Variants in WDFY4 observed in about 807,000 individuals in gnomAD.
WDFY4 encodes the protein WDFY family member 4.
WDFY4 carries 169 observed loss-of-function variants against 351.9 expected under a neutral mutation model. The observed-to-expected ratio is 0.48, with a 90% CI of 0.42 to 0.55. The LOEUF (loss-of-function observed/expected upper bound fraction) is 0.55. WDFY4 is among the 20% of genes least tolerant of loss of function. The pLI is 0.00. For synonymous variants in WDFY4, 1,622 were observed against 1,574.6 expected (o/e 1.03, Z -0.71); for missense variants, 3,803 against 3,935.6 (o/e 0.97, Z 0.90).
At chr10:48,754,956 A>T (rs1482741905) in intron 12 of WDFY4, among the ~76,000 whole-genome samples, 3 of 152,162 alleles carry the variant, frequency 2.0e-5, no homozygotes, top group African/African-American at 7.2e-5. Flanking sequence ...ACATGAAGTA[A>T]AAGTCTCTTT....
At chr10:48,846,354 C>T (rs2068775576) in intron 39 of WDFY4, among the ~76,000 whole-genome samples, 1 of 152,214 alleles carries the variant, frequency 6.6e-6, no homozygotes, top group Admixed American at 6.5e-5. Flanking sequence ...GAAAGCCCAC[C>T]AAGCCCTCTC....
At chr10:48,765,572 A>G (rs2065642500) in intron 13 of WDFY4, among the ~76,000 whole-genome samples, 1 of 152,330 alleles carries the variant, frequency 6.6e-6, no homozygotes, top group African/African-American at 2.4e-5. Flanking sequence ...AATCATTATA[A>G]CAACCGTGCA....
In WDFY4 at chr10:48,810,436, C is replaced by T. The variant is rs1276600535; in HGVS notation, c.4839-94C>T. The T allele has an allele frequency of 1.4e-4, 171 of 1,241,442 alleles. No homozygotes were observed. The East Asian group carries it at 4.4e-3, about 32-fold the overall frequency. 76.9% of individuals were successfully genotyped at this position (1,241,442 alleles called of 1,614,324 possible). ...TGATGTTAACCTTAACTTGCCTCTCCTTGGTGACTTGTAAGGCTGGACATT... is the reference window on the plus strand; with the variant it reads ...TGATGTTAACCTTAACTTGCCTCTCTTTGGTGACTTGTAAGGCTGGACATT... On this transcript the variant is annotated intron_variant, in intron 28 of 61. Coordinates refer to ENST00000325239, the MANE Select transcript of WDFY4 (RefSeq NM_001394531.1).
chr10:48,745,072 C>T (rs956631458), intron 12 of WDFY4, among the ~76,000 whole-genome samples: 2 of 152,146 alleles, frequency 1.3e-5, no homozygotes, highest in Non-Finnish European at 2.9e-5. Context: ...TTTTTCTTAA[C>T]TTGGATGTCT....
At chr10:48,956,659 C>A (rs1841605612) in intron 51 of WDFY4, among the ~76,000 whole-genome samples, 1 of 152,154 alleles carries the variant, frequency 6.6e-6, no homozygotes, top group African/African-American at 2.4e-5. Context: ...GCTGACCTCC[C>A]ACATAGAAGG....
chr10:48,770,686 G>A (rs980915617), intron 13 of WDFY4, among the ~76,000 whole-genome samples: 15 of 152,202 alleles, frequency 9.9e-5, no homozygotes, highest in African/African-American at 3.4e-4. Flanking sequence ...GACTTCGGGT[G>A]GATTTCCATG....
chr10:48,943,599 T>G, intron 49 of WDFY4, 150 bp downstream of exon 49: 2 of 316,174 alleles, frequency 6.3e-6, no homozygotes, highest in Non-Finnish European at 4.8e-6. Flanking sequence ...CTCAGATCTC[T>G]TTTTTTTTTT....
At chr10:48,851,957 G>C (rs1164898921) in intron 39 of WDFY4, among the ~76,000 whole-genome samples, 1 of 152,240 alleles carries the variant, frequency 6.6e-6, no homozygotes, top group Non-Finnish European at 1.5e-5. Context: ...AGCTCTTAGA[G>C]GCCCTTTGTT....
intron 13 of WDFY4, among the ~76,000 whole-genome samples, chr10:48,772,687 C>A (rs2065906812): frequency 1.4e-5 from 2 of 147,612 alleles, no homozygotes; most frequent in African/African-American, 5.1e-5. Context: ...CCAATGCTAT[C>A]CCTCCCCCTT....
intron 47 of WDFY4, chr10:48,932,655 A>G (rs1840086563): frequency 6.6e-6 from 1 of 152,038 alleles, no homozygotes; most frequent in Non-Finnish European, 1.5e-5. Flanking sequence ...TAAAAAAAAA[A>G]AAGAGGGAGA....
chr10:48,980,337 G>A (rs1842758351), intron 60 of WDFY4, among the ~76,000 whole-genome samples: 1 of 152,088 alleles, frequency 6.6e-6, no homozygotes, highest in Admixed American at 6.5e-5. Flanking sequence ...ACCTGTATTG[G>A]GCATGGCACG....
chr10:48,941,746 C>T (rs1177797745), intron 47 of WDFY4, 60 bp from the exon 48 acceptor site: 1 of 1,532,290 alleles, frequency 6.5e-7, no homozygotes, highest in African/African-American at 1.4e-5. Context: ...CCCCACCTCT[C>T]CCCTGTTTGT....
chr10:48,774,309 T>G, intron 13 of WDFY4, 149 bp from the exon 14 acceptor site: 2 of 837,994 alleles, frequency 2.4e-6, no homozygotes, highest in Non-Finnish European at 3.9e-6. Context: ...GGAAGAACCC[T>G]GAGACAGGCG....
intron 31 of WDFY4, among the ~76,000 whole-genome samples, chr10:48,816,706 T>C (rs1270984036): frequency 2.0e-5 from 3 of 152,314 alleles, no homozygotes; most frequent in East Asian, 3.9e-4. Flanking sequence ...AAAGAAAATA[T>C]GTAATATGCT....
intron 1 of WDFY4, 98 bp from the exon 2 acceptor site, chr10:48,709,618 T>C (rs2063717874): frequency 3.8e-6 from 4 of 1,058,292 alleles, no homozygotes; most frequent in Non-Finnish European, 4.1e-6. Flanking sequence ...CCATTTTCAA[T>C]AGAAACTGGG....
chr10:48,892,331 A>G (rs1836852695), intron 44 of WDFY4, among the ~76,000 whole-genome samples: 2 of 152,244 alleles, frequency 1.3e-5, no homozygotes, highest in South Asian at 4.1e-4. Flanking sequence ...ATAGAAGCCC[A>G]GTGGTCAGAT....
chr10:48,767,943 C>T (rs1288426928), intron 13 of WDFY4, among the ~76,000 whole-genome samples: 11 of 152,084 alleles, frequency 7.2e-5, no homozygotes, highest in Admixed American at 2.6e-4. Flanking sequence ...TGGGAGGTCC[C>T]GGGCAGGCAG....
intron 39 of WDFY4, among the ~76,000 whole-genome samples, chr10:48,845,279 C>G (rs1194792086): frequency 6.6e-6 from 1 of 152,190 alleles, no homozygotes; most frequent in Non-Finnish European, 1.5e-5. Context: ...AGCTCTCCTT[C>G]TCCTCTACCA....
At chr10:48,741,537 T>C (rs1174510341) in intron 11 of WDFY4, among the ~76,000 whole-genome samples, 3 of 151,862 alleles carry the variant, frequency 2.0e-5, no homozygotes, top group Non-Finnish European at 2.9e-5. Context: ...CTTTACTAAG[T>C]TTCTATTAAC....
Sources: gnomAD v4.1 joint callset for allele counts (sites outside exome capture counted in the v4.1 genomes callset) on GRCh38, gnomAD v4.1.1 for gene constraint, MANE v1.5 for transcripts, NCBI Gene and HGNC (gene_info 2026-07-23, HGNC 2026-07-21) for gene names.